The following ZNF385D variants were observed in gnomAD, a reference collection of about 807,000 sequenced individuals.
ZNF385D encodes zinc finger protein 385D.
In ZNF385D, 15 loss-of-function variants were observed where a neutral mutation model predicts 35.8. The ratio of observed to expected loss-of-function variants is 0.42; its 90% CI spans 0.28 to 0.64. ZNF385D has a LOEUF of 0.64. Ranked by LOEUF, ZNF385D falls within the 30% of genes least tolerant of loss-of-function variation. The pLI is 0.23. For missense variants in ZNF385D, 474 were observed against 494.6 expected (o/e 0.96, Z 0.39); for synonymous variants, 212 against 186.8 (o/e 1.13, Z -1.10).
intron 2 of ZNF385D, among the ~76,000 whole-genome samples, chr3:22,198,160 T>C (rs530614944): frequency 2.3e-4 from 35 of 151,068 alleles, no homozygotes; most frequent in African/African-American, 8.0e-4. Context: ...TGAGAATATT[T>C]AAGACAAGAG....
intron 3 of ZNF385D, among the ~76,000 whole-genome samples, chr3:21,992,493 G>C (rs962699656): frequency 1.3e-5 from 2 of 152,058 alleles, no homozygotes. Context: ...AACTCTTCCC[G>C]TGGTGCAAGT....
At chr3:21,654,107 A>C (rs1393425705) in intron 2 of ZNF385D, among the ~76,000 whole-genome samples, 1 of 152,012 alleles carries the variant, frequency 6.6e-6, no homozygotes, top group Non-Finnish European at 1.5e-5. Context: ...TTAAAAAAAA[A>C]ACTTGAATAT....
intron 2 of ZNF385D, among the ~76,000 whole-genome samples, chr3:22,211,006 A>G (rs1697483503): frequency 6.6e-6 from 1 of 151,922 alleles, no homozygotes; most frequent in African/African-American, 2.4e-5. Context: ...TGGCATATTG[A>G]TCCTTTGGTG....
chr3:21,959,140 CAT>C (rs1258662345), intron 3 of ZNF385D, among the ~76,000 whole-genome samples: 1 of 152,118 alleles, frequency 6.6e-6, no homozygotes, highest in East Asian at 1.9e-4. Context: ...TCACAAATAA[CAT>C]ATAATTCCAG....
intron 2 of ZNF385D, among the ~76,000 whole-genome samples, chr3:21,604,864 G>T (rs1460266273): frequency 3.3e-5 from 5 of 152,150 alleles, no homozygotes; most frequent in African/African-American, 9.7e-5. Context: ...TTAAGGAAAG[G>T]CTAGTTTTAT....
At chr3:22,296,707 A>T (rs549098402) in intron 2 of ZNF385D, among the ~76,000 whole-genome samples, 4 of 152,218 alleles carry the variant, frequency 2.6e-5, no homozygotes, top group African/African-American at 9.6e-5. Context: ...TGAAGAGAGC[A>T]TACCTCTGCA....
chr3:21,934,705 G>C (rs1472019769), intron 3 of ZNF385D, among the ~76,000 whole-genome samples: 1 of 152,156 alleles, frequency 6.6e-6, no homozygotes, highest in Non-Finnish European at 1.5e-5. Flanking sequence ...GTTCAGGTTT[G>C]GGGGACACAT....
intron 3 of ZNF385D, among the ~76,000 whole-genome samples, chr3:22,074,727 A>T (rs1349775214): frequency 1.3e-5 from 2 of 151,882 alleles, no homozygotes; most frequent in Non-Finnish European, 2.9e-5. Flanking sequence ...AAATACTCAT[A>T]CCCTGGTCTT....
chr3:22,087,526 T>A (rs758951747), intron 3 of ZNF385D, among the ~76,000 whole-genome samples: 3 of 152,158 alleles, frequency 2.0e-5, no homozygotes, highest in Non-Finnish European at 4.4e-5. Flanking sequence ...AAATGTAACA[T>A]GATGACTGGA....
chr3:22,089,726 C>A (rs1000616025), intron 3 of ZNF385D, among the ~76,000 whole-genome samples: 5 of 152,116 alleles, frequency 3.3e-5, no homozygotes, highest in Admixed American at 1.3e-4. Context: ...GCTATCTCAG[C>A]CCAAAGGGTA....
intron 3 of ZNF385D, among the ~76,000 whole-genome samples, chr3:22,130,046 G>T (rs933929601): frequency 3.3e-5 from 5 of 152,138 alleles, no homozygotes; most frequent in African/African-American, 1.2e-4. Flanking sequence ...AATTCTGCCA[G>T]AACTGGGTCC....
rs76190742 is a variant in ZNF385D at position 22,358,952 on chromosome 3, G to A, written c.106+13498C>T. ...ATATCATAACCCTACAAGACATCTGGTTACATAGCCAGGCCCAGTACCAAG... is the reference window on the plus strand; with the variant it reads ...ATATCATAACCCTACAAGACATCTGATTACATAGCCAGGCCCAGTACCAAG... On this transcript the variant is annotated intron_variant, in intron 2 of 5. Coordinates refer to the ZNF385D transcript ENST00000494108. 9.1e-3 allele frequency among the ~76,000 whole-genome samples: 1,382 copies of A among 151,180 alleles called. 14 individuals carry two copies. Among genetic ancestry groups the A allele is most frequent in the Non-Finnish European group, 0.015 (1,042 of 67,638 alleles).
At chr3:21,844,422 A>G (rs2125793706) in intron 3 of ZNF385D, among the ~76,000 whole-genome samples, 1 of 143,424 alleles carries the variant, frequency 7.0e-6, no homozygotes, top group African/African-American at 3.0e-5. Context: ...GCCATTATAG[A>G]TGGTGCTTTC....
intron 2 of ZNF385D, among the ~76,000 whole-genome samples, chr3:22,283,537 T>C (rs111502352): frequency 0.011 from 1,660 of 152,262 alleles, 10 homozygotes; most frequent in Admixed American, 0.02. Context: ...AAAGGCAATA[T>C]GACTTTTCAT....
At chr3:22,267,986 A>G (rs1418889832) in intron 2 of ZNF385D, among the ~76,000 whole-genome samples, 1 of 152,024 alleles carries the variant, frequency 6.6e-6, no homozygotes, top group African/African-American at 2.4e-5. Flanking sequence ...TAGCATTCTA[A>G]TAACTGAAAG....
chr3:21,654,528 C>G (rs1413943458), intron 2 of ZNF385D, among the ~76,000 whole-genome samples: 2 of 151,920 alleles, frequency 1.3e-5, no homozygotes, highest in Non-Finnish European at 2.9e-5. Context: ...CTTCAAACTC[C>G]CCTTCCTTTT....
chr3:22,177,584 T>A (rs996068983), intron 2 of ZNF385D, among the ~76,000 whole-genome samples: 3 of 152,064 alleles, frequency 2.0e-5, no homozygotes, highest in African/African-American at 7.2e-5. Flanking sequence ...TGACTATGAC[T>A]TTTTTTTATT....
At chr3:22,150,227 T>C (rs1210016713) in intron 3 of ZNF385D, among the ~76,000 whole-genome samples, 16 of 152,174 alleles carry the variant, frequency 1.1e-4, no homozygotes. Flanking sequence ...AATGTCCATA[T>C]TTCCAACTTT....
intron 3 of ZNF385D, among the ~76,000 whole-genome samples, chr3:22,126,310 G>GTTTTTTTTTTTTTTTTTTTATTTT: frequency 1.0e-5 from 1 of 100,146 alleles, no homozygotes; most frequent in African/African-American, 3.9e-5. Flanking sequence ...TTTGAAAGTT[G>GTTTTTTTTTTTTTTTTTTTATTTT]TTTTTTTTTT....
Sources: gnomAD v4.1 joint callset for allele counts (sites outside exome capture counted in the v4.1 genomes callset) on GRCh38, gnomAD v4.1.1 for gene constraint, MANE v1.5 for transcripts, NCBI Gene and HGNC (gene_info 2026-07-23, HGNC 2026-07-21) for gene names.